The following MACROD2 variants were observed in gnomAD, a reference collection of about 807,000 sequenced individuals.
The protein encoded by MACROD2 is mono-ADP ribosylhydrolase 2.
MACROD2 carries 36 observed loss-of-function variants against 70.4 expected under a neutral mutation model. The observed-to-expected ratio is 0.51, with a 90% CI of 0.39 to 0.68. MACROD2 has a LOEUF of 0.68. Among genes scored for constraint, MACROD2 ranks in the 30% least tolerant of loss-of-function variants. The pLI, the probability that MACROD2 is intolerant of heterozygous loss-of-function variation, is 0.00. For synonymous variants in MACROD2, 172 were observed against 178.8 expected, an observed-to-expected ratio of 0.96 and a Z score of 0.30; for missense variants, 496 against 538.4, an observed-to-expected ratio of 0.92 and a Z score of 0.78.
intron 3 of MACROD2, among the ~76,000 whole-genome samples, chr20:14,275,085 C>A (rs1460020904): frequency 6.6e-6 from 1 of 152,132 alleles, no homozygotes. Context: ...AATGCCATCC[C>A]CATCAAGCTA....
At chr20:14,438,417 A>G (rs1452870527) in intron 3 of MACROD2, among the ~76,000 whole-genome samples, 1 of 152,166 alleles carries the variant, frequency 6.6e-6, no homozygotes. Flanking sequence ...TTCCTGTGCT[A>G]TTAATATATA....
intron 8 of MACROD2, among the ~76,000 whole-genome samples, chr20:15,579,932 AG>A (rs1415967909): frequency 1.3e-5 from 2 of 152,216 alleles, no homozygotes; most frequent in African/African-American, 4.8e-5. Flanking sequence ...TTTAGTACTC[AG>A]CAAATTTATG....
chr20:14,266,899 TG>T (rs1242887243), intron 3 of MACROD2, among the ~76,000 whole-genome samples: 1 of 152,198 alleles, frequency 6.6e-6, no homozygotes, highest in East Asian at 1.9e-4. Flanking sequence ...ATGGTGTTTC[TG>T]TAGAACATAT....
At position 15,309,204 on chromosome 20, in the gene MACROD2, AGAAAAAT is replaced by A. The variant is rs2077727436; in HGVS notation, c.540+79144_540+79150del. Reference sequence around the variant, plus strand: ...AACTCATGTGTTCAACAACCAGTTGAGAAAAATCTTATAGATTAAATGTGAAATCAAA... The same window carrying A: ...AACTCATGTGTTCAACAACCAGTTGACTTATAGATTAAATGTGAAATCAAA... On this transcript the variant is annotated intron_variant, in intron 6 of 17. Transcript: ENST00000684519. Among the ~76,000 whole-genome samples, 3 of 152,368 alleles carry A rather than the reference AGAAAAAT, an allele frequency of 2.0e-5. No homozygotes were observed. The South Asian group carries it at 6.2e-4, about 32-fold the overall frequency.
intron 4 of MACROD2, among the ~76,000 whole-genome samples, chr20:14,628,033 CA>C (rs1197865107): frequency 3.2e-4 from 48 of 152,076 alleles, no homozygotes; most frequent in Admixed American, 3.1e-3. Context: ...TAAGGTTTCC[CA>C]AAAGCACTAT....
intron 5 of MACROD2, among the ~76,000 whole-genome samples, chr20:14,964,416 CA>C (rs1457825160): frequency 6.6e-6 from 1 of 151,390 alleles, no homozygotes; most frequent in East Asian, 2.0e-4. Context: ...ACTAAAAATA[CA>C]AAAAAATTAG....
intron 6 of MACROD2, among the ~76,000 whole-genome samples, chr20:15,286,506 ATTCT>A (rs371282997): frequency 0.13 from 19,315 of 152,168 alleles, 1,305 homozygotes; most frequent in Middle Eastern, 0.21. Flanking sequence ...GGGAACTTAC[ATTCT>A]CACTGGAGGT....
chr20:14,290,233 A>G (rs992833526), intron 3 of MACROD2, among the ~76,000 whole-genome samples: 1 of 152,224 alleles, frequency 6.6e-6, no homozygotes, highest in Non-Finnish European at 1.5e-5. Flanking sequence ...CAGTTTACCT[A>G]TACAGCAAAT....
chr20:15,690,567 C>T (rs1482108031), intron 8 of MACROD2, among the ~76,000 whole-genome samples: 1 of 152,154 alleles, frequency 6.6e-6, no homozygotes, highest in African/African-American at 2.4e-5. Context: ...GACATAGGCA[C>T]ATGGATGATA....
intron 8 of MACROD2, among the ~76,000 whole-genome samples, chr20:15,592,876 C>A (rs896587573): frequency 6.6e-6 from 1 of 152,002 alleles, no homozygotes; most frequent in African/African-American, 2.4e-5. Flanking sequence ...TTCTTGTCAG[C>A]CTTTGTCAAA....
intron 10 of MACROD2, among the ~76,000 whole-genome samples, chr20:15,897,074 C>A (rs1280132961): frequency 6.6e-6 from 1 of 152,228 alleles, no homozygotes; most frequent in East Asian, 1.9e-4. Flanking sequence ...ATACTTTTCT[C>A]ACACTTCTTC....
rs527249878 is a variant in MACROD2 at position 14,063,943 on chromosome 20, T to G, written c.164-21678T>G. ...GGTTTCACCATGTTGGTCAGGCTGG[T>G]CTCAAACTCCTGGGCTCAAGTGATC... is the stretch of plus-strand genomic sequence containing the variant. On this transcript the variant is annotated intron_variant, in intron 2 of 17. Coordinates refer to ENST00000684519, the MANE Select transcript of MACROD2 (RefSeq NM_001351661.2). 5.3e-5 allele frequency among the ~76,000 whole-genome samples: 8 copies of G among 152,250 alleles called. No individual in the cohort carries two copies. In the East Asian group the frequency reaches 1.5e-3, roughly 29 times the overall value.
chr20:14,222,296 T>C (rs1274970238), intron 3 of MACROD2, among the ~76,000 whole-genome samples: 1 of 151,956 alleles, frequency 6.6e-6, no homozygotes, highest in Non-Finnish European at 1.5e-5. Context: ...AATGGAATAC[T>C]ATTCAGCTAT....
chr20:14,535,893 C>T (rs1178442773), intron 4 of MACROD2, among the ~76,000 whole-genome samples: 1 of 152,040 alleles, frequency 6.6e-6, no homozygotes, highest in Non-Finnish European at 1.5e-5. Flanking sequence ...TTTTTAGATT[C>T]AAGTATTAAA....
At chr20:14,994,033 G>T (rs2074928428) in intron 5 of MACROD2, among the ~76,000 whole-genome samples, 1 of 152,038 alleles carries the variant, frequency 6.6e-6, no homozygotes, top group Non-Finnish European at 1.5e-5. Context: ...GCATGATTTT[G>T]CTCCCCTATA....
intron 15 of MACROD2, among the ~76,000 whole-genome samples, chr20:16,026,216 A>G (rs6131766): frequency 0.046 from 7,068 of 152,238 alleles, 372 homozygotes; most frequent in East Asian, 0.22. Context: ...CAAACCACCA[A>G]GCTTTGATCC....
chr20:14,972,596 G>C (rs1013822059), intron 5 of MACROD2, among the ~76,000 whole-genome samples: 1 of 152,170 alleles, frequency 6.6e-6, no homozygotes, highest in African/African-American at 2.4e-5. Flanking sequence ...TTAATGGTTT[G>C]ATATGTCCTA....
chr20:15,520,310 C>A (rs549571433), intron 8 of MACROD2, among the ~76,000 whole-genome samples: 2 of 152,240 alleles, frequency 1.3e-5, no homozygotes, highest in African/African-American at 4.8e-5. Flanking sequence ...TGTGAAGTGT[C>A]TAGATTGGGG....
At chr20:15,631,553 G>A (rs891593900) in intron 8 of MACROD2, among the ~76,000 whole-genome samples, 2 of 152,170 alleles carry the variant, frequency 1.3e-5, no homozygotes, top group Non-Finnish European at 2.9e-5. Context: ...GCATTTGGTA[G>A]GAACTGGAGG....
Sources: allele counts gnomAD v4.1 joint callset (sites outside exome capture counted in the v4.1 genomes callset), GRCh38; gene constraint gnomAD v4.1.1; transcripts MANE v1.5; gene names NCBI Gene and HGNC (gene_info 2026-07-23, HGNC 2026-07-21).